HS6ST3: variants seen among roughly 807,000 people sequenced by gnomAD.
HS6ST3 encodes the protein heparan sulfate 6-O-sulfotransferase 3.
A neutral mutation model predicts 36.7 loss-of-function variants in HS6ST3; 12 were observed. The ratio of observed to expected loss-of-function variants is 0.33; its 90% CI spans 0.21 to 0.53. HS6ST3 has a LOEUF of 0.53. HS6ST3 is among the 20% of genes least tolerant of loss of function. The pLI is 0.95. For missense variants in HS6ST3, 584 were observed against 640.9 expected, an observed-to-expected ratio of 0.91 and a Z score of 0.96; for synonymous variants, 240 against 257.5, an observed-to-expected ratio of 0.93 and a Z score of 0.65.
chr13:96,483,637 A>T (rs533321040), intron 1 of HS6ST3, among the ~76,000 whole-genome samples: 79 of 152,336 alleles, frequency 5.2e-4, no homozygotes, highest in African/African-American at 1.9e-3. Context: ...GCTCACTCTC[A>T]CATTACTTAT....
chr13:96,115,454 G>A (rs563468960), intron 1 of HS6ST3, among the ~76,000 whole-genome samples: 1 of 152,110 alleles, frequency 6.6e-6, no homozygotes, highest in African/African-American at 2.4e-5. Context: ...CTGTGTCCAG[G>A]GCTTTCATTG....
In HS6ST3 at chr13:96,139,306, C is replaced by T. The variant is rs147523772; in HGVS notation, c.707+47737C>T. Among the ~76,000 whole-genome samples, 84 of 151,772 alleles carry T rather than the reference C, an allele frequency of 5.5e-4. 2 individuals are homozygous for T. The highest frequency in any genetic ancestry group is 2.0e-3 in the African/African-American group (81 of 41,438). On this transcript the variant is annotated intron_variant, in intron 1 of 1. Transcript: ENST00000376705. ...CTTAGCCTTCTGGAACTGAACTGAA[C>T]GCATTATGTGAGCTCTCTTGGTAAT... is the stretch of plus-strand genomic sequence containing the variant.
In HS6ST3 at chr13:96,822,702, G is replaced by T. The variant is rs183663685; in HGVS notation, c.708-9788G>T. 9.2e-5 allele frequency among the ~76,000 whole-genome samples: 14 copies of T among 152,232 alleles called. No individual in the cohort carries two copies. The East Asian group carries it at 2.3e-3, about 25-fold the overall frequency. On this transcript the variant is annotated intron_variant, in intron 1 of 1. Coordinates refer to ENST00000376705, the MANE Select transcript of HS6ST3 (RefSeq NM_153456.4). ...GCCTCTTCTTTGATGCTTTTGTTTGGTTTGTTTTGTATAATATGTGTCTTC... is the reference window on the plus strand; with the variant it reads ...GCCTCTTCTTTGATGCTTTTGTTTGTTTTGTTTTGTATAATATGTGTCTTC...
At chr13:96,126,626 G>A (rs891157067) in intron 1 of HS6ST3, among the ~76,000 whole-genome samples, 5 of 152,180 alleles carry the variant, frequency 3.3e-5, no homozygotes, top group Admixed American at 1.3e-4. Context: ...AGGTTGTGCT[G>A]CTGGGGTTAT....
intron 1 of HS6ST3, among the ~76,000 whole-genome samples, chr13:96,646,791 G>A (rs760518534): frequency 3.9e-5 from 6 of 152,106 alleles, no homozygotes; most frequent in Non-Finnish European, 8.8e-5. Flanking sequence ...AGACAGAGCC[G>A]TGTCTTTTGA....
intron 1 of HS6ST3, among the ~76,000 whole-genome samples, chr13:96,738,422 C>T (rs887133734): frequency 1.3e-5 from 2 of 151,264 alleles, no homozygotes; most frequent in Non-Finnish European, 3.0e-5. Flanking sequence ...ATACTGCCAT[C>T]GATGATGCTG....
rs73558430 is a variant in HS6ST3 at position 96,546,277 on chromosome 13, G to A, written c.708-286213G>A. Reference sequence around the variant, plus strand: ...GAACCTGGATAATAGAATTCTTTAGGGCCCTTCAGAAAATTCTAGAGAACC... The same window carrying A: ...GAACCTGGATAATAGAATTCTTTAGAGCCCTTCAGAAAATTCTAGAGAACC... On this transcript the variant is annotated intron_variant, in intron 1 of 1. Transcript: ENST00000376705. Among the ~76,000 whole-genome samples the A allele has an allele frequency of 8.2e-3, 1,248 of 151,962 alleles. 17 individuals are homozygous for A. Among genetic ancestry groups the A allele is most frequent in the African/African-American group, 0.029 (1,209 of 41,440 alleles).
Position 96,467,831 on chromosome 13 carries a change from G to T in HS6ST3, c.708-364659G>T, listed in dbSNP as rs1049156605. On this transcript the variant is annotated intron_variant, in intron 1 of 1. Transcript: ENST00000376705. ...CTGTAACTACTAGATGGTACACTGA[G>T]AATTTAAAAACCAGGCAGCCAACTC... Among the ~76,000 whole-genome samples the T allele has an allele frequency of 1.3e-4, 20 of 152,236 alleles. No individual in the cohort carries two copies. In the East Asian group the frequency reaches 3.3e-3, roughly 25 times the overall value.
intron 1 of HS6ST3, among the ~76,000 whole-genome samples, chr13:96,794,135 G>A (rs1204459712): frequency 2.0e-5 from 3 of 152,070 alleles, no homozygotes; most frequent in African/African-American, 7.2e-5. Flanking sequence ...GAGAACTTTT[G>A]TGTTCTCAAA....
chr13:96,211,574 A>G (rs891330236), intron 1 of HS6ST3, among the ~76,000 whole-genome samples: 1 of 152,380 alleles, frequency 6.6e-6, no homozygotes, highest in East Asian at 1.9e-4. Flanking sequence ...CTTTTATAAT[A>G]TGAGAATATC....
intron 1 of HS6ST3, among the ~76,000 whole-genome samples, chr13:96,288,706 A>G (rs2054815592): frequency 6.6e-6 from 1 of 152,146 alleles, no homozygotes; most frequent in Non-Finnish European, 1.5e-5. Flanking sequence ...AGCAAACATC[A>G]TCTTAAATAC....
At chr13:96,739,028 G>A (rs765797017) in intron 1 of HS6ST3, among the ~76,000 whole-genome samples, 9 of 152,144 alleles carry the variant, frequency 5.9e-5, no homozygotes, top group Middle Eastern at 6.8e-3. Context: ...AGCATTAAAC[G>A]CAACTGTCAT....
intron 1 of HS6ST3, among the ~76,000 whole-genome samples, chr13:96,377,943 T>G (rs1226226575): frequency 6.6e-6 from 1 of 152,230 alleles, no homozygotes; most frequent in Non-Finnish European, 1.5e-5. Context: ...TGGCAGGATT[T>G]TTCCTTAAGA....
intron 1 of HS6ST3, among the ~76,000 whole-genome samples, chr13:96,246,492 C>T (rs1486090052): frequency 6.6e-6 from 1 of 152,150 alleles, no homozygotes; most frequent in East Asian, 1.9e-4. Flanking sequence ...CCTGTAGAAT[C>T]AGGGCTTACT....
chr13:96,618,955 T>C (rs1423006434), intron 1 of HS6ST3, among the ~76,000 whole-genome samples: 2 of 151,996 alleles, frequency 1.3e-5, no homozygotes, highest in Non-Finnish European at 2.9e-5. Context: ...TCCAGCCTTT[T>C]CATTTACATT....
At chr13:96,805,666 T>G (rs1878181727) in intron 1 of HS6ST3, among the ~76,000 whole-genome samples, 1 of 152,188 alleles carries the variant, frequency 6.6e-6, no homozygotes. Context: ...ATTTCCATCT[T>G]TCAAGTAAAG....
At chr13:96,494,182 G>A (rs57552741) in intron 1 of HS6ST3, among the ~76,000 whole-genome samples, 15 of 152,038 alleles carry the variant, frequency 9.9e-5, no homozygotes, top group African/African-American at 2.9e-4. Context: ...ATAAAATGTG[G>A]CACCTATACA....
At chr13:96,317,363 TATATAAAATTATATA>T (rs2054979209) in intron 1 of HS6ST3, among the ~76,000 whole-genome samples, 1 of 19,412 alleles carries the variant, frequency 5.2e-5, no homozygotes. Context: ...TATATATATA[TATATAAAATTATATA>T]TATATATATA....
chr13:96,293,977 AT>A (rs1464127577), intron 1 of HS6ST3, among the ~76,000 whole-genome samples: 2 of 152,128 alleles, frequency 1.3e-5, no homozygotes, highest in Admixed American at 6.6e-5. Flanking sequence ...TTAAATTGTA[AT>A]TTAAGATCTA....
Sources: allele counts gnomAD v4.1 joint callset (sites outside exome capture counted in the v4.1 genomes callset), GRCh38; gene constraint gnomAD v4.1.1; transcripts MANE v1.5; gene names NCBI Gene and HGNC (gene_info 2026-07-23, HGNC 2026-07-21).